FARS2: variants seen among roughly 807,000 people sequenced by gnomAD.
FARS2 encodes the protein phenylalanyl-tRNA synthetase 2, mitochondrial.
Under a neutral mutation model 46.4 loss-of-function variants are expected in FARS2, and 40 were observed. That is an observed-to-expected ratio of 0.86 (90% CI 0.67 to 1.12). FARS2 has a LOEUF of 1.12. FARS2 is among the 50% of genes most tolerant of loss of function. FARS2 has a pLI of 0.00. For missense variants in FARS2, 513 were observed against 567.9 expected (o/e 0.90, Z 0.98); for synonymous variants, 234 against 214.9 (o/e 1.09, Z -0.78).
At chr6:5,647,815 G>A (rs1407028416) in intron 6 of FARS2, among the ~76,000 whole-genome samples, 3 of 152,164 alleles carry the variant, frequency 2.0e-5, no homozygotes, top group Non-Finnish European at 4.4e-5. Context: ...GACCCAAACC[G>A]CTTTCTAAAT....
Position 5,727,617 on chromosome 6 carries a change from G to A in FARS2, c.1218-43674G>A, listed in dbSNP as rs576241136. 3.0e-4 allele frequency among the ~76,000 whole-genome samples: 46 copies of A among 152,292 alleles called. No homozygotes were observed. Among genetic ancestry groups the A allele is most frequent in the African/African-American group, 1.0e-3 (43 of 41,576 alleles). On this transcript the variant is annotated intron_variant, in intron 6 of 6. Transcript: ENST00000274680. The surrounding 1 kb of genome is among the most constrained non-coding windows in gnomAD (Gnocchi z 4.1). ...ATCCCTGTCTTCCTACTGAGGCCATGCTTGGGCCATTGTGGCACCTATACA... is the reference window on the plus strand; with the variant it reads ...ATCCCTGTCTTCCTACTGAGGCCATACTTGGGCCATTGTGGCACCTATACA...
Position 5,541,399 on chromosome 6 carries a change from A to T in FARS2, c.905-3781A>T, listed in dbSNP as rs539801018. On this transcript the variant is annotated intron_variant, in intron 4 of 6. Coordinates refer to ENST00000274680, the MANE Select transcript of FARS2 (RefSeq NM_006567.5). ...GCTACATGAGTTTTGAAGGATATAT[A>T]CAGTCATGTAAACACCCCACAATCA... Among the ~76,000 whole-genome samples the T allele has an allele frequency of 2.0e-5, 3 of 152,294 alleles. No individual in the cohort carries two copies. In the East Asian group the frequency reaches 5.8e-4, roughly 29 times the overall value.
At chr6:5,606,079 T>C (rs911468899) in intron 5 of FARS2, among the ~76,000 whole-genome samples, 62 of 151,912 alleles carry the variant, frequency 4.1e-4, no homozygotes, top group African/African-American at 1.5e-3. Flanking sequence ...AGCTCCGCAG[T>C]ATGGATTATT....
chr6:5,603,376 G>C (rs898569401), intron 5 of FARS2, among the ~76,000 whole-genome samples: 6 of 152,176 alleles, frequency 3.9e-5, no homozygotes, highest in African/African-American at 1.4e-4. Context: ...AGCCAAAGTT[G>C]CAAGCTCCCA....
chr6:5,524,641 C>A (rs1230991031), intron 4 of FARS2, among the ~76,000 whole-genome samples: 1 of 152,196 alleles, frequency 6.6e-6, no homozygotes, highest in East Asian at 1.9e-4. Context: ...CCTGTAATAA[C>A]TGATTTAGGC....
upstream of FARS2, chr6:5,260,598 TCCCCGGCCCCTGGCC>T: frequency 9.0e-7 from 1 of 1,105,568 alleles, no homozygotes; most frequent in Non-Finnish European, 1.3e-6. Flanking sequence ...GCACCCCCGG[TCCCCGGCCCCTGGCC>T]CCCCGCCCCC....
At chr6:5,382,698 G>A (rs1163052569) in intron 2 of FARS2, among the ~76,000 whole-genome samples, 11 of 152,194 alleles carry the variant, frequency 7.2e-5, no homozygotes, top group Admixed American at 3.3e-4. Context: ...GCTGCAGGGA[G>A]TAGAAGCTTC....
intron 1 of FARS2, among the ~76,000 whole-genome samples, chr6:5,353,136 G>T (rs146123502): frequency 7.9e-5 from 12 of 152,162 alleles, no homozygotes; most frequent in African/African-American, 2.9e-4. Flanking sequence ...TTTAGCTCCC[G>T]CATGAGTGAG....
intron 6 of FARS2, among the ~76,000 whole-genome samples, chr6:5,663,671 C>T (rs1409810280): frequency 1.3e-5 from 2 of 152,118 alleles, no homozygotes; most frequent in Non-Finnish European, 2.9e-5. Flanking sequence ...AGGGGTGGCG[C>T]GGGCTCCATG....
At chr6:5,336,274 A>G (rs542326615) in intron 1 of FARS2, among the ~76,000 whole-genome samples, 19 of 152,176 alleles carry the variant, frequency 1.2e-4, no homozygotes, top group Admixed American at 1.0e-3. Flanking sequence ...ATATCACTTC[A>G]GGGTTATAAA....
intron 4 of FARS2, among the ~76,000 whole-genome samples, chr6:5,516,597 C>T (rs1768809654): frequency 1.3e-5 from 2 of 152,142 alleles, no homozygotes. Context: ...TTAAACTCTT[C>T]CACCTATTTT....
chr6:5,377,559 C>T (rs1759462044), intron 2 of FARS2, among the ~76,000 whole-genome samples: 1 of 152,054 alleles, frequency 6.6e-6, no homozygotes, highest in Admixed American at 6.5e-5. Context: ...ATTCTAAATG[C>T]CTCTTGTTTT....
intron 1 of FARS2, among the ~76,000 whole-genome samples, chr6:5,315,684 GTTTGT>G (rs958023328): frequency 1.5e-4 from 16 of 107,724 alleles, no homozygotes; most frequent in Non-Finnish European, 2.3e-4. Flanking sequence ...TGAAAATAAT[GTTTGT>G]TTTATTTCTA....
chr6:5,300,541 C>T (rs1175927099), intron 1 of FARS2, among the ~76,000 whole-genome samples: 2 of 152,070 alleles, frequency 1.3e-5, no homozygotes, highest in Non-Finnish European at 2.9e-5. Flanking sequence ...GCAGATTTTT[C>T]CCCTTAGTTA....
intron 1 of FARS2, among the ~76,000 whole-genome samples, chr6:5,298,504 T>C (rs10485196): frequency 0.3 from 45,301 of 152,160 alleles, 8,707 homozygotes; most frequent in Non-Finnish European, 0.42. Flanking sequence ...AACTCTGATT[T>C]GGAAGGTATC....
chr6:5,449,562 C>T (rs558266719), intron 4 of FARS2, among the ~76,000 whole-genome samples: 1 of 151,886 alleles, frequency 6.6e-6, no homozygotes, highest in Non-Finnish European at 1.5e-5. Context: ...TGGTTCAGGT[C>T]TTTATTTGAC....
In FARS2 at chr6:5,313,427, T is replaced by C. The variant is rs923913865; in HGVS notation, c.-22+51767T>C. ...GACGCAGGGCCGTTCCTTATCATTT[T>C]AGCTGATTCCCGGCTGTATTCCCTA... On this transcript the variant is annotated intron_variant, in intron 1 of 6. Coordinates refer to ENST00000274680, the MANE Select transcript of FARS2 (RefSeq NM_006567.5). Among the ~76,000 whole-genome samples the C allele has an allele frequency of 1.4e-4, 21 of 152,242 alleles. 1 individual carries two copies. Among genetic ancestry groups the C allele is most frequent in the African/African-American group, 4.8e-5 (2 of 41,476 alleles).
intron 6 of FARS2, among the ~76,000 whole-genome samples, chr6:5,690,967 C>G (rs1357954722): frequency 6.6e-6 from 1 of 152,188 alleles, no homozygotes; most frequent in African/African-American, 2.4e-5. Context: ...ATCACTGATA[C>G]CCTTTCTTCC....
intron 6 of FARS2, among the ~76,000 whole-genome samples, chr6:5,662,554 C>T (rs961924975): frequency 6.6e-6 from 1 of 152,206 alleles, no homozygotes; most frequent in Admixed American, 6.5e-5. Context: ...GGCCACTCCT[C>T]TTGCTGGCTT....
Sources: allele counts gnomAD v4.1 joint callset (sites outside exome capture counted in the v4.1 genomes callset), GRCh38; gene constraint gnomAD v4.1.1; non-coding constraint Gnocchi (gnomAD v3.1); transcripts MANE v1.5; gene names NCBI Gene and HGNC (gene_info 2026-07-23, HGNC 2026-07-21).